TANGO2: variants seen among roughly 807,000 people sequenced by gnomAD.
TANGO2 encodes transport and golgi organization 2 homolog.
Under a neutral mutation model 39.1 loss-of-function variants are expected in TANGO2, and 26 were observed. The observed-to-expected ratio is 0.67, with a 90% CI of 0.49 to 0.92. The LOEUF (loss-of-function observed/expected upper bound fraction) is 0.92. Ranked by LOEUF, TANGO2 falls within the 40% of genes least tolerant of loss-of-function variation. TANGO2 has a pLI of 0.00. For missense variants in TANGO2, 326 were observed against 360.1 expected, an observed-to-expected ratio of 0.91 and a Z score of 0.77; for synonymous variants, 131 against 144.5, an observed-to-expected ratio of 0.91 and a Z score of 0.67.
At chr22:20,022,689 G>A (rs1478835302) in intron 1 of TANGO2, among the ~76,000 whole-genome samples, 6 of 152,378 alleles carry the variant, frequency 3.9e-5, no homozygotes, top group South Asian at 4.1e-4. Flanking sequence ...TCCTGTGCCC[G>A]GCTTCTGCGC....
chr22:20,062,080 A>G (rs2048487244), intron 7 of TANGO2, among the ~76,000 whole-genome samples: 1 of 152,222 alleles, frequency 6.6e-6, no homozygotes. Flanking sequence ...GGCTAGGGTC[A>G]GCACGCTCAG....
intron 7 of TANGO2, among the ~76,000 whole-genome samples, chr22:20,062,586 C>G (rs1017181893): frequency 1.3e-5 from 2 of 152,278 alleles, no homozygotes; most frequent in Admixed American, 6.5e-5. Flanking sequence ...TAAGTCCACA[C>G]AGCCCCCATC....
intron 4 of TANGO2, 40 bp downstream of exon 4, chr22:20,052,624 G>T (rs1303727719): frequency 6.5e-7 from 1 of 1,544,838 alleles, no homozygotes; most frequent in Non-Finnish European, 8.7e-7. Flanking sequence ...GACAGGGTGG[G>T]GTGGGGCAGG....
chr22:20,046,024 A>G (rs936959216), intron 3 of TANGO2, among the ~76,000 whole-genome samples: 9 of 152,084 alleles, frequency 5.9e-5, no homozygotes, highest in African/African-American at 2.2e-4. Context: ...CCCCAGTGTC[A>G]TATAGTCTCC....
At chr22:20,037,752 A>G (rs145958288) in intron 2 of TANGO2, among the ~76,000 whole-genome samples, 155 of 152,302 alleles carry the variant, frequency 1.0e-3, no homozygotes, top group African/African-American at 3.5e-3. Context: ...ATTGACTGCT[A>G]CAGGGACTGG....
chr22:20,053,311 A>G, intron 4 of TANGO2, 126 bp from the exon 5 acceptor site: 1 of 656,856 alleles, frequency 1.5e-6, no homozygotes, highest in Non-Finnish European at 2.8e-6. Context: ...GGCAGTCATG[A>G]CAGGCCAGGG....
At chr22:20,021,500 T>A (rs1211269667) in intron 1 of TANGO2, among the ~76,000 whole-genome samples, 2 of 152,178 alleles carry the variant, frequency 1.3e-5, no homozygotes, top group African/African-American at 2.4e-5. Context: ...GCAGGGTGTG[T>A]GGGCTGCTCG....
chr22:20,063,104 C>T (rs1366089646), intron 7 of TANGO2: 4 of 469,208 alleles, frequency 8.5e-6, no homozygotes, highest in Non-Finnish European at 1.5e-5. Flanking sequence ...TGCAGTGAGC[C>T]AAGATCGTAC....
At position 20,061,525 on chromosome 22, in the gene TANGO2, C is replaced by T; in HGVS notation, c.452-5C>T. 6.2e-7 allele frequency: 1 copy of T among 1,600,302 alleles called. No individual in the cohort carries two copies. Among genetic ancestry groups the T allele is most frequent in the Non-Finnish European group, 8.5e-7 (1 of 1,173,728 alleles). On this transcript the variant is annotated splice_polypyrimidine_tract_variant and splice_region_variant and intron_variant, in intron 6 of 8. Coordinates refer to ENST00000327374, the MANE Select transcript of TANGO2 (RefSeq NM_152906.7). ...TCTGCATGGCCCGCTGATTGCTCCT[C>T]ACAGGCACCTACGGGCTGAGCAACG...
At chr22:20,047,284 A>G (rs1227363821) in intron 3 of TANGO2, among the ~76,000 whole-genome samples, 34 of 142,768 alleles carry the variant, frequency 2.4e-4, no homozygotes, top group African/African-American at 8.2e-4. Context: ...CCCAGGCTGG[A>G]GTGCAATGGC....
intron 5 of TANGO2, chr22:20,055,578 T>G (rs75170603): frequency 0.011 from 3,724 of 352,240 alleles, 139 homozygotes; most frequent in African/African-American, 0.07. Context: ...GTAAGGGGCC[T>G]GATGGAGAGG....
Position 20,056,975 on chromosome 22 carries a change from C to T in TANGO2, c.451+962C>T, listed in dbSNP as rs747433357. On this transcript the variant is annotated intron_variant, in intron 6 of 8. Coordinates refer to ENST00000327374, the MANE Select transcript of TANGO2 (RefSeq NM_152906.7). ...AGTGCCCTTAGCGCCACCCACACCC[C>T]TCTGTGAGGGGGCTCCCTCACACCC... 264 of 456,150 alleles carry T rather than the reference C, an allele frequency of 5.8e-4. 2 individuals are homozygous for T. Among genetic ancestry groups the T allele is most frequent in the South Asian group, 3.9e-3 (251 of 64,550 alleles). 28.3% of individuals were successfully genotyped at this position (456,150 alleles called of 1,614,324 possible).
chr22:20,039,128 C>T (rs2043414979), intron 2 of TANGO2, among the ~76,000 whole-genome samples: 1 of 150,132 alleles, frequency 6.7e-6, no homozygotes, highest in African/African-American at 2.5e-5. Flanking sequence ...GAGACAAGTT[C>T]TCACTATGTT....
chr22:20,023,636 C>T (rs9605049), intron 1 of TANGO2, among the ~76,000 whole-genome samples: 33,719 of 151,030 alleles, frequency 0.22, 4,154 homozygotes, highest in South Asian at 0.3. Flanking sequence ...GGGTGGATCA[C>T]GAGGCCAGGA....
At chr22:20,035,010 C>T (rs1208687632) in intron 1 of TANGO2, among the ~76,000 whole-genome samples, 1 of 152,242 alleles carries the variant, frequency 6.6e-6, no homozygotes, top group Non-Finnish European at 1.5e-5. Context: ...ATGATGGCCC[C>T]CTGTGGGCGC....
intron 6 of TANGO2, chr22:20,058,292 A>G (rs1017591630): frequency 3.3e-5 from 5 of 152,154 alleles, no homozygotes; most frequent in African/African-American, 9.7e-5. Flanking sequence ...GTATAAAGGG[A>G]ATCCTATAAT....
Position 20,032,641 on chromosome 22 carries a change from G to C in TANGO2, c.-39-4119G>C, listed in dbSNP as rs138383505. Among the ~76,000 whole-genome samples the C allele has an allele frequency of 5.8e-3, 884 of 152,366 alleles. 8 individuals carry two copies. Among genetic ancestry groups the C allele is most frequent in the African/African-American group, 0.019 (802 of 41,578 alleles). On this transcript the variant is annotated intron_variant, in intron 1 of 8. Coordinates refer to ENST00000327374, the MANE Select transcript of TANGO2 (RefSeq NM_152906.7). ...CAAGTGCTGAGCCCAGGGCAGGGGT[G>C]GGGACAGGCAGGGCGGAGCCTCACC...
intron 1 of TANGO2, among the ~76,000 whole-genome samples, chr22:20,023,222 T>C (rs1019031228): frequency 2.0e-5 from 3 of 152,234 alleles, no homozygotes. Context: ...CATTGAGATC[T>C]TCAGTGCCAT....
intron 3 of TANGO2, among the ~76,000 whole-genome samples, chr22:20,044,557 A>G (rs2147270646): frequency 6.6e-6 from 1 of 151,558 alleles, no homozygotes. Flanking sequence ...ATCAAATAAA[A>G]GCTCAGCTGT....
Sources: gnomAD v4.1 joint callset for allele counts (sites outside exome capture counted in the v4.1 genomes callset) on GRCh38, gnomAD v4.1.1 for gene constraint, MANE v1.5 for transcripts, NCBI Gene and HGNC (gene_info 2026-07-23, HGNC 2026-07-21) for gene names.